The following SULF2 variants were observed in gnomAD, a reference collection of about 807,000 sequenced individuals.
SULF2 encodes the protein sulfatase 2, also known as extracellular sulfatase Sulf-2.
Under a neutral mutation model 107.7 loss-of-function variants are expected in SULF2, and 52 were observed. The ratio of observed to expected loss-of-function variants is 0.48; its 90% CI spans 0.39 to 0.61. The LOEUF (loss-of-function observed/expected upper bound fraction) is 0.61. SULF2 is among the 20% of genes least tolerant of loss of function. The pLI is 0.00. For synonymous variants in SULF2, 460 were observed against 464.3 expected (o/e 0.99, Z 0.12); for missense variants, 993 against 1,177.3 (o/e 0.84, Z 2.29).
intron 15 of SULF2, among the ~76,000 whole-genome samples, chr20:47,663,855 C>G (rs1207004531): frequency 1.3e-5 from 2 of 152,214 alleles, no homozygotes; most frequent in African/African-American, 4.8e-5. Context: ...GGGACAGAAC[C>G]AGGCAGCTAC....
chr20:47,714,720 T>C (rs2089055111), intron 3 of SULF2, among the ~76,000 whole-genome samples: 1 of 152,186 alleles, frequency 6.6e-6, no homozygotes, highest in Non-Finnish European at 1.5e-5. Flanking sequence ...AACTGTCTCC[T>C]GTCCTGCTCC....
At chr20:47,682,797 A>G (rs139676076) in intron 7 of SULF2, among the ~76,000 whole-genome samples, 197 bp downstream of exon 7, 2 of 152,306 alleles carry the variant, frequency 1.3e-5, no homozygotes, top group East Asian at 3.9e-4. Context: ...CTGTTTCCAC[A>G]GGTGCTAACA....
intron 2 of SULF2, among the ~76,000 whole-genome samples, chr20:47,748,651 T>G (rs2090098642): frequency 1.3e-5 from 2 of 152,154 alleles, no homozygotes; most frequent in South Asian, 4.1e-4. Context: ...CTTCGCTCTC[T>G]GGGCTTTGGG....
At chr20:47,676,470 T>C (rs1425025299) in intron 10 of SULF2, 24 bp downstream of exon 10, 2 of 1,602,480 alleles carry the variant, frequency 1.2e-6, no homozygotes. Flanking sequence ...GGGGAGCCGT[T>C]GGGAGGGAAG....
Position 47,736,960 on chromosome 20 carries a change from A to C in SULF2, c.176-18T>G, listed in dbSNP as rs1836298813. ...CATGGAACCTGCAAGTCAAGGGTGG[A>C]AGTAAGGCGCAGGGCAGGAGACCCG... On this transcript the variant is annotated intron_variant, in intron 2 of 20. Coordinates refer to ENST00000688720, the MANE Select transcript of SULF2 (RefSeq NM_001387048.1). The C allele has an allele frequency of 1.2e-6, 2 of 1,613,706 alleles. No individual in the cohort carries two copies. Among genetic ancestry groups the C allele is most frequent in the Admixed American group, 1.7e-5 (1 of 60,008 alleles).
At chr20:47,734,824 A>G (rs2089692003) in intron 3 of SULF2, among the ~76,000 whole-genome samples, 1 of 152,244 alleles carries the variant, frequency 6.6e-6, no homozygotes, top group South Asian at 2.1e-4. Flanking sequence ...TCATGAGGGT[A>G]TAATAATGAA....
intron 3 of SULF2, among the ~76,000 whole-genome samples, chr20:47,736,468 T>C (rs913448499): frequency 1.6e-4 from 25 of 152,220 alleles, no homozygotes; most frequent in African/African-American, 6.0e-4. Flanking sequence ...AAGACTCACT[T>C]TTTTGGGGGA....
chr20:47,668,831 G>A (rs2087366387), intron 11 of SULF2, among the ~76,000 whole-genome samples: 1 of 147,694 alleles, frequency 6.8e-6, no homozygotes, highest in East Asian at 1.9e-4. Context: ...TGCCCATGGT[G>A]CTTCTCACCA....
intron 2 of SULF2, among the ~76,000 whole-genome samples, chr20:47,756,080 G>T (rs1175997174): frequency 6.6e-6 from 1 of 152,196 alleles, no homozygotes; most frequent in Non-Finnish European, 1.5e-5. Flanking sequence ...GAACAAACGT[G>T]CAGGGCATCG....
intron 3 of SULF2, among the ~76,000 whole-genome samples, chr20:47,723,373 G>A (rs2089348797): frequency 1.3e-5 from 2 of 152,208 alleles, no homozygotes; most frequent in African/African-American, 4.8e-5. Context: ...AACCGACACA[G>A]GAAGGGCAGG....
At chr20:47,677,274 G>A in intron 8 of SULF2, 140 bp from the exon 9 acceptor site, 1 of 869,490 alleles carries the variant, frequency 1.2e-6, no homozygotes, top group Non-Finnish European at 1.8e-6. Context: ...AGTGTGCCCA[G>A]CTGGGCACTA....
chr20:47,678,657 T>G lies in SULF2; in HGVS notation c.1193+19A>C. 3.7e-6 allele frequency: 6 copies of G among 1,613,072 alleles called. No homozygotes were observed. Among genetic ancestry groups the G allele is most frequent in the Non-Finnish European group, 5.1e-6 (6 of 1,179,686 alleles). On this transcript the variant is annotated intron_variant, in intron 8 of 20. Coordinates refer to ENST00000688720, the MANE Select transcript of SULF2 (RefSeq NM_001387048.1). This position sits in a 1 kb window ranked among gnomAD's most constrained non-coding sequence, Gnocchi z 4.5. The stretch of plus-strand genomic sequence containing the variant: ...TCAATGTCCCGGCCCCCTCAACACC[T>G]GCCCTGCTCCGTCCTCACCGATTCA...
At chr20:47,706,398 C>T (rs1268188826) in intron 3 of SULF2, 1 of 152,080 alleles carries the variant, frequency 6.6e-6, no homozygotes, top group Non-Finnish European at 1.5e-5. Context: ...GCCAGATAGT[C>T]AGTATTTTAG....
chr20:47,737,055 C>T (rs919257300), intron 2 of SULF2, 113 bp from the exon 3 acceptor site: 52 of 1,492,194 alleles, frequency 3.5e-5, no homozygotes, highest in Non-Finnish European at 4.5e-5. Context: ...ATTCTGCAGA[C>T]CTACGGGGCA....
intron 3 of SULF2, among the ~76,000 whole-genome samples, chr20:47,724,735 T>C (rs1157220190): frequency 1.3e-5 from 2 of 152,026 alleles, no homozygotes; most frequent in Non-Finnish European, 2.9e-5. Context: ...GGGGAGAAAA[T>C]CCACAACAGA....
intron 3 of SULF2, among the ~76,000 whole-genome samples, chr20:47,713,532 G>A (rs1352008247): frequency 6.6e-6 from 1 of 152,132 alleles, no homozygotes; most frequent in Non-Finnish European, 1.5e-5. Context: ...TCCTGTCTGA[G>A]CCTCAGTGAA....
intron 5 of SULF2, chr20:47,689,774 A>T (rs1215519122): frequency 5.6e-6 from 1 of 178,200 alleles, no homozygotes; most frequent in East Asian, 1.4e-4. Flanking sequence ...GCAAATAATT[A>T]GTCTGGTAAA....
At chr20:47,695,135 C>T (rs550614233) in intron 4 of SULF2, among the ~76,000 whole-genome samples, 2 of 152,208 alleles carry the variant, frequency 1.3e-5, no homozygotes, top group Non-Finnish European at 2.9e-5. Context: ...GTCTCTGTTG[C>T]AACTACTCAT....
At chr20:47,786,531 CCGAG>C (rs1663032741), upstream of SULF2, 1 of 152,216 alleles carries the variant, frequency 6.6e-6, no homozygotes, top group Admixed American at 6.5e-5. Context: ...GCAGGGCAAA[CCGAG>C]CTGCCTGTGC....
Sources: allele counts gnomAD v4.1 joint callset (sites outside exome capture counted in the v4.1 genomes callset), GRCh38; gene constraint gnomAD v4.1.1; non-coding constraint Gnocchi (gnomAD v3.1); transcripts MANE v1.5; gene names NCBI Gene and HGNC (gene_info 2026-07-23, HGNC 2026-07-21).